The following CFAP70 variants were observed in gnomAD, a reference collection of about 807,000 sequenced individuals.
CFAP70 encodes cilia- and flagella-associated protein 70.
CFAP70 carries 81 observed loss-of-function variants against 137.6 expected under a neutral mutation model. That is an observed-to-expected ratio of 0.59 (90% CI 0.49 to 0.71). The LOEUF (loss-of-function observed/expected upper bound fraction) is 0.71, where lower values mean the gene tolerates loss of function less well. Among genes scored for constraint, CFAP70 ranks in the 30% least tolerant of loss-of-function variants. The pLI, the probability that CFAP70 is intolerant of heterozygous loss-of-function variation, is 0.00. For missense variants in CFAP70, 976 were observed against 1,226.7 expected (o/e 0.80, Z 3.05); for synonymous variants, 382 against 423.6 (o/e 0.90, Z 1.20).
chr10:73,257,581 C>T (rs1481151439), intron 25 of CFAP70, among the ~76,000 whole-genome samples: 2 of 152,152 alleles, frequency 1.3e-5, no homozygotes, highest in Non-Finnish European at 2.9e-5. Context: ...AATGCTAGTC[C>T]ATATGAAAGT....
chr10:73,299,744 C>T (rs989674993), intron 12 of CFAP70, 79 bp from the exon 14 acceptor site: 1 of 1,142,284 alleles, frequency 8.8e-7, no homozygotes, highest in African/African-American at 1.6e-5. Context: ...TTATCTTATC[C>T]TCAAAGTGTC....
At chr10:73,282,549 A>G (rs1348543294) in intron 19 of CFAP70, among the ~76,000 whole-genome samples, 1 of 152,064 alleles carries the variant, frequency 6.6e-6, no homozygotes, top group Non-Finnish European at 1.5e-5. Context: ...ACAGGTGTGC[A>G]CCACCACACC....
At chr10:73,299,542 A>G in intron 13 of CFAP70, 63 bp downstream of exon 14, 1 of 1,332,118 alleles carries the variant, frequency 7.5e-7, no homozygotes, top group Non-Finnish European at 1.1e-6. Flanking sequence ...AGTCCATGCA[A>G]TTAACAAGTG....
intron 12 of CFAP70, 25 bp downstream of exon 13, chr10:73,310,133 T>G (rs1317440010): frequency 6.7e-7 from 1 of 1,502,778 alleles, no homozygotes; most frequent in South Asian, 1.2e-5. Flanking sequence ...TGTACAAAAC[T>G]AGTATAAGCA....
intron 11 of CFAP70, 90 bp downstream of exon 12, chr10:73,311,744 T>C: frequency 9.6e-7 from 1 of 1,036,848 alleles, no homozygotes; most frequent in South Asian, 1.3e-5. Flanking sequence ...ATAACTAACA[T>C]CCTGCCTGAG....
intron 8 of CFAP70, among the ~76,000 whole-genome samples, chr10:73,327,901 T>A (rs2051638156): frequency 6.6e-6 from 1 of 152,028 alleles, no homozygotes; most frequent in Non-Finnish European, 1.5e-5. Flanking sequence ...ATCGTGAAAA[T>A]GGCCATACTG....
At chr10:73,339,463 T>C (rs369099335) in intron 6 of CFAP70, among the ~76,000 whole-genome samples, 375 of 152,358 alleles carry the variant, frequency 2.5e-3, no homozygotes, top group African/African-American at 8.4e-3. Context: ...AAAACCTCTG[T>C]GGCTGGTCAC....
chr10:73,288,888 T>C (rs2047946163), intron 19 of CFAP70, among the ~76,000 whole-genome samples: 1 of 152,228 alleles, frequency 6.6e-6, no homozygotes, highest in Non-Finnish European at 1.5e-5. Context: ...GGTTTCCCTA[T>C]ATAGCCTGAA....
intron 12 of CFAP70, among the ~76,000 whole-genome samples, 194 bp from the exon 14 acceptor site, chr10:73,299,859 G>A (rs755004444): frequency 3.9e-5 from 6 of 152,126 alleles, no homozygotes; most frequent in Non-Finnish European, 7.3e-5. Flanking sequence ...TATGGCTACG[G>A]ACCATACAGA....
exon 15 of CFAP70, chr10:73,297,117 G>C: frequency 6.2e-7 from 1 of 1,613,822 alleles, no homozygotes; most frequent in Non-Finnish European, 8.5e-7. Flanking sequence ...GTTCCTCCTG[G>C]CTTTCAAATG....
At chr10:73,355,573 C>T (rs944637412) in intron 1 of CFAP70, among the ~76,000 whole-genome samples, 2 of 152,118 alleles carry the variant, frequency 1.3e-5, no homozygotes, top group African/African-American at 2.4e-5. Context: ...GTCAGGAGTT[C>T]GAGATCAGCC....
At chr10:73,271,251 C>G (rs2046292962) in intron 24 of CFAP70, among the ~76,000 whole-genome samples, 1 of 152,216 alleles carries the variant, frequency 6.6e-6, no homozygotes, top group Admixed American at 6.5e-5. Flanking sequence ...GTGGCTCACG[C>G]CTGTAATCCC....
chr10:73,353,884 T>C lies in CFAP70; in HGVS notation c.64-142A>G, dbSNP rs186009435. The C allele has an allele frequency of 9.4e-5, 66 of 703,890 alleles. No individual in the cohort carries two copies. The African/African-American group carries it at 1.0e-3, about 11-fold the overall frequency. The allele number at this position is 703,890 out of a possible 1,614,324, so 43.6% of individuals were successfully genotyped here. ...ACATCACAAATACAAAAGGAATAGG[T>C]AGAAAAATCATTAAACAAATCTAGT... On this transcript the variant is annotated intron_variant, in intron 2 of 26. Coordinates refer to ENST00000310715, the Ensembl canonical transcript of CFAP70.
intron 4 of CFAP70, among the ~76,000 whole-genome samples, chr10:73,347,277 T>G (rs1047095848): frequency 6.6e-6 from 1 of 152,158 alleles, no homozygotes; most frequent in Non-Finnish European, 1.5e-5. Context: ...TACAGAGTAC[T>G]AAGTAGGGGA....
intron 23 of CFAP70, among the ~76,000 whole-genome samples, chr10:73,273,453 A>G (rs984257208): frequency 2.0e-5 from 3 of 152,254 alleles, no homozygotes; most frequent in East Asian, 1.9e-4. Context: ...GTTGTAAAAG[A>G]TCTTAGAATT....
chr10:73,322,275 G>A (rs533252360), intron 9 of CFAP70, among the ~76,000 whole-genome samples: 1 of 151,784 alleles, frequency 6.6e-6, no homozygotes. Context: ...TCATTCCTTT[G>A]TAATACATCC....
intron 19 of CFAP70, among the ~76,000 whole-genome samples, chr10:73,282,956 C>T (rs1287042078): frequency 6.6e-6 from 1 of 151,352 alleles, no homozygotes; most frequent in Non-Finnish European, 1.5e-5. Context: ...TTTCAGCCTC[C>T]CAAGTAGCTA....
intron 12 of CFAP70, among the ~76,000 whole-genome samples, chr10:73,307,384 A>G (rs958066916): frequency 1.3e-5 from 2 of 152,222 alleles, no homozygotes; most frequent in African/African-American, 2.4e-5. Context: ...TTAAATGTAA[A>G]TGGATTAAAC....
Position 73,316,458 on chromosome 10 carries a change from G to T in CFAP70, c.913-3815C>A, listed in dbSNP as rs2050342229. ...TTGTGATATCCCATTTAATTCCTTT[G>T]TTGAGATATATATATATATATAGAT... On this transcript the variant is annotated intron_variant, in intron 9 of 26. Transcript: ENST00000310715. Among the ~76,000 whole-genome samples the T allele has an allele frequency of 4.9e-5, 6 of 123,218 alleles. No homozygotes were observed. In the East Asian group the frequency reaches 7.4e-4, roughly 15 times the overall value. 80.8% of individuals were successfully genotyped at this position (123,218 alleles called of 152,430 possible).
Sources: gnomAD v4.1 joint callset for allele counts (sites outside exome capture counted in the v4.1 genomes callset) on GRCh38, gnomAD v4.1.1 for gene constraint, MANE v1.5 for transcripts, NCBI Gene and HGNC (gene_info 2026-07-23, HGNC 2026-07-21) for gene names.